Variants in CTNND2 observed in about 807,000 individuals in gnomAD.
CTNND2 encodes the protein catenin delta-2.
Under a neutral mutation model 144.4 loss-of-function variants are expected in CTNND2, and 22 were observed. That is an observed-to-expected ratio of 0.15 (90% confidence interval 0.11 to 0.22). The LOEUF (loss-of-function observed/expected upper bound fraction) is 0.22, where lower values mean the gene tolerates loss of function less well. Among genes scored for constraint, CTNND2 ranks in the 10% least tolerant of loss-of-function variants. The pLI is 1.00. For missense variants in CTNND2, 1,353 were observed against 1,618.8 expected (o/e 0.84, Z 2.82); for synonymous variants, 751 against 695.6 (o/e 1.08, Z -1.25).
intron 15 of CTNND2, among the ~76,000 whole-genome samples, chr5:11,090,292 C>CATGT (rs1750632389): frequency 6.6e-6 from 1 of 152,186 alleles, no homozygotes; most frequent in Non-Finnish European, 1.5e-5. Context: ...CAGGTTAGCC[C>CATGT]ATGTCTTAAA....
intron 2 of CTNND2, 25 bp from the exon 3 acceptor site, chr5:11,565,081 C>A (rs772008770): frequency 6.7e-7 from 1 of 1,503,246 alleles, no homozygotes; most frequent in Non-Finnish European, 9.3e-7. Context: ...TCAACAAGAT[C>A]AATTCAATCA....
At chr5:11,646,461 T>A (rs138436345) in intron 2 of CTNND2, among the ~76,000 whole-genome samples, 1 of 152,298 alleles carries the variant, frequency 6.6e-6, no homozygotes, top group Non-Finnish European at 1.5e-5. Context: ...AAACACACAT[T>A]CTCAAGGATG....
intron 20 of CTNND2, among the ~76,000 whole-genome samples, chr5:10,982,435 C>T (rs1178518545): frequency 2.6e-5 from 4 of 152,214 alleles, no homozygotes; most frequent in South Asian, 2.1e-4. Flanking sequence ...GTCGTCTAGA[C>T]GAAAGAGATG....
chr5:11,749,199 A>C (rs1352630360), intron 1 of CTNND2, among the ~76,000 whole-genome samples: 1 of 152,052 alleles, frequency 6.6e-6, no homozygotes, highest in Non-Finnish European at 1.5e-5. Flanking sequence ...ACATTAGAGG[A>C]AACTTTGACT....
At chr5:11,008,631 C>T (rs1190492555) in intron 18 of CTNND2, among the ~76,000 whole-genome samples, 1 of 152,166 alleles carries the variant, frequency 6.6e-6, no homozygotes, top group African/African-American at 2.4e-5. Context: ...ATAATAGATG[C>T]CCCCTTGCCC....
chr5:11,346,936 T>C (rs1380515866), intron 8 of CTNND2, among the ~76,000 whole-genome samples: 1 of 83,780 alleles, frequency 1.2e-5, no homozygotes, highest in Non-Finnish European at 2.8e-5. Context: ...AGAAGAAATA[T>C]AGAGAATACT....
At chr5:11,454,271 T>G (rs1198089241) in intron 3 of CTNND2, among the ~76,000 whole-genome samples, 1 of 151,994 alleles carries the variant, frequency 6.6e-6, no homozygotes, top group Non-Finnish European at 1.5e-5. Context: ...AATATAAAAT[T>G]TAGCTGGGCG....
chr5:11,235,008 G>A (rs754796045), intron 10 of CTNND2, among the ~76,000 whole-genome samples: 3 of 152,186 alleles, frequency 2.0e-5, no homozygotes, highest in Non-Finnish European at 4.4e-5. Flanking sequence ...ATGCCTGGGA[G>A]CCACTGTGCT....
At chr5:11,591,839 C>A (rs1779257615) in intron 2 of CTNND2, among the ~76,000 whole-genome samples, 2 of 151,978 alleles carry the variant, frequency 1.3e-5, no homozygotes, top group Admixed American at 6.5e-5. Flanking sequence ...TTAAACATTC[C>A]AGTTTATTAC....
chr5:11,276,787 G>A (rs908001516), intron 9 of CTNND2, among the ~76,000 whole-genome samples: 1 of 152,156 alleles, frequency 6.6e-6, no homozygotes, highest in South Asian at 2.1e-4. Context: ...AAAGAGATTC[G>A]TGACATGAGC....
intron 15 of CTNND2, among the ~76,000 whole-genome samples, chr5:11,085,098 G>A (rs1749992521): frequency 6.6e-6 from 1 of 152,158 alleles, no homozygotes; most frequent in Non-Finnish European, 1.5e-5. Flanking sequence ...ACCCCCCAAT[G>A]CTGGATGAAA....
At chr5:11,658,872 C>T (rs1269547242) in intron 2 of CTNND2, among the ~76,000 whole-genome samples, 1 of 152,116 alleles carries the variant, frequency 6.6e-6, no homozygotes, top group African/African-American at 2.4e-5. Context: ...TAACACAAAT[C>T]ACGTTTTTAT....
chr5:11,629,258 T>TAAA (rs1273391020), intron 2 of CTNND2, among the ~76,000 whole-genome samples: 3 of 148,226 alleles, frequency 2.0e-5, no homozygotes, highest in Admixed American at 2.0e-4. Context: ...CCGGAAAAGT[T>TAAA]AAACAACAAC....
At chr5:11,328,727 A>G (rs1752786439) in intron 9 of CTNND2, among the ~76,000 whole-genome samples, 2 of 152,172 alleles carry the variant, frequency 1.3e-5, no homozygotes, top group Admixed American at 1.3e-4. Flanking sequence ...TTGAAGATCT[A>G]CACGTGCAGA....
At chr5:11,520,039 C>T (rs544755034) in intron 3 of CTNND2, among the ~76,000 whole-genome samples, 8 of 149,638 alleles carry the variant, frequency 5.3e-5, no homozygotes, top group African/African-American at 7.4e-5. Flanking sequence ...CCTAGCTACT[C>T]GGGAGGCTGA....
chr5:11,830,504 T>G (rs923155132), intron 1 of CTNND2, among the ~76,000 whole-genome samples: 1 of 152,228 alleles, frequency 6.6e-6, no homozygotes, highest in Non-Finnish European at 1.5e-5. Flanking sequence ...TCCCTTTGCC[T>G]GCTGCCATCC....
intron 2 of CTNND2, among the ~76,000 whole-genome samples, chr5:11,660,499 G>A (rs1783140800): frequency 6.6e-6 from 1 of 152,094 alleles, no homozygotes; most frequent in South Asian, 2.1e-4. Context: ...ACCAGTAGAT[G>A]CCTAAAAATA....
intron 1 of CTNND2, among the ~76,000 whole-genome samples, chr5:11,732,649 A>G (rs1787456461): frequency 6.6e-6 from 1 of 152,158 alleles, no homozygotes; most frequent in Non-Finnish European, 1.5e-5. Context: ...AGGTAAATTT[A>G]TTACCTGCCT....
At chr5:11,064,090 G>A (rs1377566653) in intron 16 of CTNND2, among the ~76,000 whole-genome samples, 2 of 152,024 alleles carry the variant, frequency 1.3e-5, no homozygotes, top group Admixed American at 6.5e-5. Context: ...GAACTTCAGG[G>A]AACTTGGGGG....
Sources: gnomAD v4.1 joint callset for allele counts (sites outside exome capture counted in the v4.1 genomes callset) on GRCh38, gnomAD v4.1.1 for gene constraint, MANE v1.5 for transcripts, NCBI Gene and HGNC (gene_info 2026-07-23, HGNC 2026-07-21) for gene names.